The following ARHGAP8 variants were observed in gnomAD, a reference collection of about 807,000 sequenced individuals.
The protein encoded by ARHGAP8 is Rho GTPase activating protein 8.
ARHGAP8 carries 62 observed loss-of-function variants against 46.1 expected under a neutral mutation model. The observed-to-expected ratio is 1.34, with a 90% CI of 1.10 to 1.66. The LOEUF (loss-of-function observed/expected upper bound fraction) is 1.66, where lower values mean the gene tolerates loss of function less well. ARHGAP8 is among the 40% of genes most tolerant of loss of function. The pLI is 0.00. For missense variants in ARHGAP8, 923 were observed against 568.4 expected (o/e 1.62, Z -6.34); for synonymous variants, 375 against 243.1 (o/e 1.54, Z -5.05).
At chr22:44,844,194 A>G (rs1233830732) in intron 7 of ARHGAP8, among the ~76,000 whole-genome samples, 1 of 151,204 alleles carries the variant, frequency 6.6e-6, no homozygotes, top group Non-Finnish European at 1.5e-5. Context: ...CTAGGCTTGA[A>G]CTCCTGACCT....
At chr22:44,847,180 G>A (rs979747739) in intron 8 of ARHGAP8, among the ~76,000 whole-genome samples, 1 of 152,236 alleles carries the variant, frequency 6.6e-6, no homozygotes, top group Non-Finnish European at 1.5e-5. Flanking sequence ...GGCAGGCTCA[G>A]GCCTGTTTCT....
At chr22:44,761,356 A>C (rs892298331) in intron 1 of ARHGAP8, among the ~76,000 whole-genome samples, 2 of 152,236 alleles carry the variant, frequency 1.3e-5, no homozygotes, top group Non-Finnish European at 2.9e-5. Context: ...TATTGGGAAA[A>C]GAAAATAAAT....
intron 7 of ARHGAP8, among the ~76,000 whole-genome samples, chr22:44,833,564 C>T (rs1442947898): frequency 6.6e-6 from 1 of 151,854 alleles, no homozygotes; most frequent in Admixed American, 6.6e-5. Flanking sequence ...GCTGGATTTG[C>T]TTTGCTTGTA....
rs978990858 is a variant in ARHGAP8 at position 44,849,011 on chromosome 22, C to G, written c.828C>G (p.Pro276=). The part of the protein sequence containing the change: ...VILKTFLREL[P]QPLLTFQAYE... The stretch of plus-strand genomic sequence containing the variant: ...TGAAGACCTTCCTGCGAGAGCTGCC[C>G]CAGCCGCTTCTGACCTTCCAGGCCT... The change falls in exon 10 of 12, where the codon CCC becomes CCG. Residue 276 remains proline (P), a synonymous_variant. Coordinates refer to ENST00000356099, the MANE Select transcript of ARHGAP8 (RefSeq NM_181335.3). 2 of 1,614,038 alleles carry G rather than the reference C, an allele frequency of 1.2e-6. No homozygotes were observed. The highest frequency in any genetic ancestry group is 1.3e-5 in the African/African-American group (1 of 74,926).
At chr22:44,857,920 C>T (rs886231741) in intron 10 of ARHGAP8, among the ~76,000 whole-genome samples, 1 of 88,476 alleles carries the variant, frequency 1.1e-5, no homozygotes, top group Admixed American at 1.1e-4. Context: ...TGCCTACTTG[C>T]CAGCAGGTAT....
At chr22:44,818,187 G>A (rs1296670319) in intron 5 of ARHGAP8, among the ~76,000 whole-genome samples, 2 of 151,788 alleles carry the variant, frequency 1.3e-5, no homozygotes, top group Admixed American at 6.6e-5. Context: ...AGTGGCTCAC[G>A]CCTGTAATCC....
chr22:44,848,127 C>T, intron 9 of ARHGAP8, 77 bp downstream of exon 9: 1 of 1,559,982 alleles, frequency 6.4e-7, no homozygotes, highest in Non-Finnish European at 8.7e-7. Flanking sequence ...AGAGCGGAGG[C>T]AGGGAAGCAC....
intron 7 of ARHGAP8, among the ~76,000 whole-genome samples, chr22:44,826,698 T>C (rs189324133): frequency 2.0e-5 from 3 of 152,278 alleles, no homozygotes; most frequent in Non-Finnish European, 4.4e-5. Flanking sequence ...AGTGCTGGGA[T>C]TGCAGGTGTG....
At chr22:44,776,889 C>T (rs537165084) in intron 1 of ARHGAP8, among the ~76,000 whole-genome samples, 1 of 152,220 alleles carries the variant, frequency 6.6e-6, no homozygotes, top group South Asian at 2.1e-4. Flanking sequence ...CCCCCTGCCT[C>T]AAGGCCCACT....
chr22:44,860,302 G>T (rs906657162), intron 11 of ARHGAP8, among the ~76,000 whole-genome samples: 1 of 152,132 alleles, frequency 6.6e-6, no homozygotes, highest in Non-Finnish European at 1.5e-5. Flanking sequence ...CACTCTTCTA[G>T]AGGCTAGCAG....
At chr22:44,836,725 G>C (rs1425397436) in intron 7 of ARHGAP8, among the ~76,000 whole-genome samples, 1 of 151,924 alleles carries the variant, frequency 6.6e-6, no homozygotes, top group East Asian at 1.9e-4. Context: ...GAGGGGACGT[G>C]TTGTATTTAG....
intron 10 of ARHGAP8, among the ~76,000 whole-genome samples, chr22:44,858,072 T>G (rs1238954875): frequency 1.3e-5 from 2 of 152,212 alleles, no homozygotes; most frequent in East Asian, 3.8e-4. Flanking sequence ...TCAAGGGAAT[T>G]CCTTGTCCAT....
At chr22:44,785,731 C>G (rs565623884) in intron 1 of ARHGAP8, among the ~76,000 whole-genome samples, 27 of 152,198 alleles carry the variant, frequency 1.8e-4, no homozygotes, top group Non-Finnish European at 3.5e-4. Flanking sequence ...AAACATTTCT[C>G]TAAGAACCCT....
chr22:44,764,531 C>G (rs1221034757), intron 1 of ARHGAP8, among the ~76,000 whole-genome samples: 2 of 152,218 alleles, frequency 1.3e-5, no homozygotes, highest in African/African-American at 4.8e-5. Flanking sequence ...CCTGCATGTT[C>G]TGAGTCATGC....
chr22:44,860,849 T>TA (rs2070443855), intron 11 of ARHGAP8, among the ~76,000 whole-genome samples: 1 of 152,172 alleles, frequency 6.6e-6, no homozygotes, highest in African/African-American at 2.4e-5. Flanking sequence ...CTCCAGGCCT[T>TA]CGCCCCAGGC....
chr22:44,850,370 C>T (rs6006891), intron 10 of ARHGAP8: 1 of 152,044 alleles, frequency 6.6e-6, no homozygotes, highest in East Asian at 1.9e-4. Context: ...CATAGAGGTA[C>T]CTATCTGGTG....
intron 1 of ARHGAP8, among the ~76,000 whole-genome samples, chr22:44,785,847 G>A (rs1927180610): frequency 1.3e-5 from 2 of 152,226 alleles, no homozygotes; most frequent in South Asian, 2.1e-4. Context: ...CTCAACCCCA[G>A]CCCACCTTGG....
chr22:44,839,534 G>A (rs912568527), intron 7 of ARHGAP8, among the ~76,000 whole-genome samples: 1 of 152,178 alleles, frequency 6.6e-6, no homozygotes, highest in Non-Finnish European at 1.5e-5. Flanking sequence ...CCAGGGGGCC[G>A]TGGAGCCCAG....
intron 2 of ARHGAP8, among the ~76,000 whole-genome samples, chr22:44,790,982 A>T (rs1376812834): frequency 1.3e-5 from 2 of 151,818 alleles, no homozygotes; most frequent in African/African-American, 4.8e-5. Context: ...ATCCACCCTC[A>T]TTGGCCTCCC....
Sources: allele counts gnomAD v4.1 joint callset (sites outside exome capture counted in the v4.1 genomes callset), GRCh38; gene constraint gnomAD v4.1.1; transcripts MANE v1.5; gene names NCBI Gene and HGNC (gene_info 2026-07-23, HGNC 2026-07-21).